Variants in SSX3 observed in about 807,000 individuals in gnomAD.
SSX3 encodes SSX family member 3, also known as protein SSX3.
In SSX3, 6 loss-of-function variants were observed where a neutral mutation model predicts 14.8. That is an observed-to-expected ratio of 0.41 (90% CI 0.22 to 0.80). SSX3 has a LOEUF of 0.80. SSX3 is among the 30% of genes least tolerant of loss of function. The probability of loss-of-function intolerance (pLI) is 0.34; values close to 1 mark genes in which losing one functional copy is unlikely to be tolerated. For missense variants in SSX3, 163 were observed against 152.2 expected (o/e 1.07, Z -0.37); for synonymous variants, 55 against 52.9 (o/e 1.04, Z -0.18).
chrX:48,354,883 A>G, intron 2 of SSX3, 137 bp from the exon 3 acceptor site: 1 of 1,196,184 alleles, frequency 8.4e-7, no homozygotes, highest in South Asian at 1.8e-5. Flanking sequence ...TAACTGACAG[A>G]ACATGAGGGA....
intron 4 of SSX3, among the ~76,000 whole-genome samples, chrX:48,353,411 G>T (rs781832981): frequency 8.8e-4 from 97 of 110,842 alleles, no homozygotes; most frequent in African/African-American, 3.0e-3. Context: ...ATCACCTGAG[G>T]TCAGGAAGTT....
chrX:48,349,614 G>C lies in SSX3; in HGVS notation c.466+373C>G, dbSNP rs1569461001. 1.1e-5 allele frequency: 13 copies of C among 1,206,055 alleles called. No individual in the cohort carries two copies. In the East Asian group the frequency reaches 3.9e-4, roughly 36 times the overall value. On this transcript the variant is annotated intron_variant, in intron 6 of 7. Transcript: ENST00000298396. ...TGTATTGGGTAACAGGCATTGAGCT[G>C]AGTAAGATATGATCCCAGGTTATCA...
chrX:48,354,866 C>A, intron 2 of SSX3, 120 bp from the exon 3 acceptor site: 1 of 1,194,786 alleles, frequency 8.4e-7, no homozygotes, highest in Non-Finnish European at 1.1e-6. Context: ...CTGGTTGATG[C>A]CACGGCTAAC....
rs781814672 is a variant in SSX3, at chrX:48,350,012, G to C, written c.441C>G (p.Thr147=). The C allele has an allele frequency of 5.8e-6, 7 of 1,211,722 alleles. No individual in the cohort carries two copies. The highest frequency in any genetic ancestry group is 7.8e-6 in the Non-Finnish European group (7 of 895,518). Residue 147 remains threonine (T), a synonymous_variant, in exon 6 of 8, where the codon ACC becomes ACG. Coordinates refer to ENST00000298396, the MANE Select transcript of SSX3 (RefSeq NM_021014.4). ...KQLCPPGKPT[T]SEKINMISGP... ...CAGATATCATGTTAATCTTCTCAGA[G>C]GTAGTTGGTTTTCCCGGGGGGCACA...
chrX:48,347,496 T>C lies in SSX3; in HGVS notation c.*4+4A>G. On this transcript the variant is annotated splice_donor_region_variant and intron_variant, in intron 7 of 7. Coordinates refer to ENST00000298396, the MANE Select transcript of SSX3 (RefSeq NM_021014.4). ...TGCAGGGGATGAGTGGAAGGTTCTCTTACGGAGTTACTCATCATCTTCCTC... is the reference window on the plus strand; with the variant it reads ...TGCAGGGGATGAGTGGAAGGTTCTCCTACGGAGTTACTCATCATCTTCCTC... The C allele has an allele frequency of 8.3e-7, 1 of 1,209,712 alleles. No homozygotes were observed. Among genetic ancestry groups the C allele is most frequent in the Non-Finnish European group, 1.1e-6 (1 of 894,779 alleles).
chrX:48,354,673 T>C lies in SSX3; in HGVS notation c.143A>G (p.Tyr48Cys), dbSNP rs1556950649. The C allele has an allele frequency of 8.3e-7, 1 of 1,208,489 alleles. No individual in the cohort carries two copies. Among genetic ancestry groups the C allele is most frequent in the South Asian group, 1.8e-5 (1 of 56,840 alleles). ...CTCATACTTTCTCTTCATATACACATAGACGATTTTCTCCGAGACTTTCAT... is the reference window on the plus strand; with the variant it reads ...CTCATACTTTCTCTTCATATACACACAGACGATTTTCTCCGAGACTTTCAT... Reference protein sequence around the residue: ...EKMKVSEKIVYVYMKRKYEAM... With the variant: ...EKMKVSEKIVCVYMKRKYEAM... The change falls in exon 3 of 8, where the codon TAT (tyrosine) becomes TGT (cysteine). Residue 48 changes from tyrosine (Y) to cysteine (C), a missense_variant. Coordinates refer to ENST00000298396, the MANE Select transcript of SSX3 (RefSeq NM_021014.4).
chrX:48,351,350 C>T (rs182217003), intron 5 of SSX3, among the ~76,000 whole-genome samples: 22 of 111,500 alleles, frequency 2.0e-4, no homozygotes, highest in East Asian at 1.1e-3. Flanking sequence ...GCTTCCCAGA[C>T]GCCCCAGGTG....
chrX:48,353,669 G>A (rs1362241391), intron 4 of SSX3, among the ~76,000 whole-genome samples: 1 of 111,202 alleles, frequency 9.0e-6, no homozygotes, highest in East Asian at 2.8e-4. Flanking sequence ...AGTCACAGCT[G>A]AAGCTGTCTG....
chrX:48,346,612 G>T lies in SSX3; in HGVS notation c.*428C>A. ...CTGTGTGTGTGTGTGTGTGTGTGTG[G>T]TGTGGTTTGTGTGTGTGTGTAAATG... is the stretch of plus-strand genomic sequence containing the variant. On this transcript the variant is annotated 3_prime_UTR_variant, in exon 8 of 8. Transcript: ENST00000298396. The T allele has an allele frequency of 3.3e-6, 1 of 299,197 alleles. No homozygotes were observed. The highest frequency in any genetic ancestry group is 6.0e-6 in the Non-Finnish European group (1 of 166,169). 24.7% of individuals were successfully genotyped at this position (299,197 alleles called of 1,213,427 possible).
chrX:48,351,144 G>C (rs2061261250), intron 5 of SSX3, among the ~76,000 whole-genome samples: 1 of 111,895 alleles, frequency 8.9e-6, no homozygotes, highest in Non-Finnish European at 1.9e-5. Context: ...ACAAGAAAGT[G>C]CTCTCTGAGC....
intron 6 of SSX3, chrX:48,348,247 A>G (rs2061246897): frequency 2.2e-6 from 1 of 463,042 alleles, no homozygotes; most frequent in Admixed American, 3.4e-5. Flanking sequence ...CAAACAATCC[A>G]TTTATGCTCT....
At position 48,350,028 on chromosome X, in the gene SSX3, G is replaced by C. The variant is rs782638256; in HGVS notation, c.425C>G (p.Pro142Arg). 1.7e-6 allele frequency: 2 copies of C among 1,209,515 alleles called. No individual in the cohort carries two copies. The highest frequency in any genetic ancestry group is 1.8e-5 in the African/African-American group (1 of 57,105). Residue 142 changes from proline (P) to arginine (R), a missense_variant, in exon 6 of 8, where the codon CCG (proline) becomes CGG (arginine). Physicochemically the swap from Pro to Arg is moderately radical, Grantham distance 103. Coordinates refer to ENST00000298396, the MANE Select transcript of SSX3 (RefSeq NM_021014.4). ...PQNDGKQLCP[P>R]GKPTTSEKIN... ...CTTCTCAGAGGTAGTTGGTTTTCCC[G>C]GGGGGCACAGCTGTTTCCCATCGTT...
intron 6 of SSX3, among the ~76,000 whole-genome samples, chrX:48,348,051 T>C (rs1329829939): frequency 1.8e-5 from 2 of 112,663 alleles, no homozygotes; most frequent in Non-Finnish European, 3.7e-5. Context: ...AGCTTTACTA[T>C]TATTACTAAA....
At chrX:48,354,185 A>G (rs2061275533) in intron 3 of SSX3, 91 bp from the exon 4 acceptor site, 5 of 818,312 alleles carry the variant, frequency 6.1e-6, no homozygotes, top group Non-Finnish European at 5.5e-6. Context: ...TTGGGAGGCT[A>G]AGGCTGGAGG....
rs782181385 is a variant in SSX3 at position 48,347,497 on chromosome X, T to C, written c.*4+3A>G. 5.8e-6 allele frequency: 7 copies of C among 1,209,735 alleles called. No homozygotes were observed. ...GCAGGGGATGAGTGGAAGGTTCTCT[T>C]ACGGAGTTACTCATCATCTTCCTCA... On this transcript the variant is annotated splice_donor_region_variant and intron_variant, in intron 7 of 7. Transcript: ENST00000298396.
chrX:48,349,553 T>G, intron 6 of SSX3: 1 of 1,210,078 alleles, frequency 8.3e-7, no homozygotes, highest in Non-Finnish European at 1.1e-6. Flanking sequence ...ATTGCAGTGG[T>G]CTGGAACCGA....
Position 48,354,052 on chromosome X carries a change from A to G in SSX3, c.227T>C (p.Val76Ala), listed in dbSNP as rs782232540. The G allele has an allele frequency of 9.9e-6, 12 of 1,206,858 alleles. No homozygotes were observed. The African/African-American group carries it at 1.8e-4, about 18-fold the overall frequency. Residue 76 changes from valine (V) to alanine (A), a missense_variant, in exon 4 of 8, where the codon GTC becomes GCC. Transcript: ENST00000298396. ...ILPSFMRNKRVTDFQGNDFDN... is the reference protein window; with the variant it reads ...ILPSFMRNKRATDFQGNDFDN... ...AAAATCATTCCCCTGGAAGTCTGTGACCCGTTTATTACGCATGAAAGATGG... is the reference window on the plus strand; with the variant it reads ...AAAATCATTCCCCTGGAAGTCTGTGGCCCGTTTATTACGCATGAAAGATGG...
intron 7 of SSX3, 46 bp downstream of exon 7, chrX:48,347,454 T>C: frequency 1.7e-6 from 2 of 1,203,379 alleles, no homozygotes; most frequent in African/African-American, 1.7e-5. Flanking sequence ...CATAACAGAA[T>C]AGCACATCTG....
intron 6 of SSX3, chrX:48,349,412 T>C: frequency 4.8e-6 from 4 of 827,631 alleles, no homozygotes; most frequent in Non-Finnish European, 6.6e-6. Context: ...TTTTTAACAA[T>C]GAATTATTTT....
Sources: allele counts gnomAD v4.1 joint callset (sites outside exome capture counted in the v4.1 genomes callset), GRCh38; gene constraint gnomAD v4.1.1; transcripts MANE v1.5; gene names NCBI Gene and HGNC (gene_info 2026-07-23, HGNC 2026-07-21).